Variants in ARHGAP15 observed in about 807,000 individuals in gnomAD.
ARHGAP15 encodes Rho GTPase activating protein 15.
A neutral mutation model predicts 63.7 loss-of-function variants in ARHGAP15; 51 were observed. The ratio of observed to expected loss-of-function variants is 0.80; its 90% CI spans 0.64 to 1.01. The LOEUF (loss-of-function observed/expected upper bound fraction) is 1.01. Among genes scored for constraint, ARHGAP15 ranks in the 50% least tolerant of loss-of-function variants. ARHGAP15 has a pLI of 0.00. For synonymous variants in ARHGAP15, 191 were observed against 193.8 expected, an observed-to-expected ratio of 0.99 and a Z score of 0.12; for missense variants, 560 against 564.6, an observed-to-expected ratio of 0.99 and a Z score of 0.08.
intron 10 of ARHGAP15, among the ~76,000 whole-genome samples, chr2:143,551,747 A>T (rs553872421): frequency 6.6e-6 from 1 of 152,328 alleles, no homozygotes; most frequent in South Asian, 2.1e-4. Context: ...GGTGTCTCAT[A>T]AGAAATTAAC....
intron 2 of ARHGAP15, among the ~76,000 whole-genome samples, chr2:143,165,307 A>G (rs1346506968): frequency 6.6e-6 from 1 of 152,072 alleles, no homozygotes; most frequent in Non-Finnish European, 1.5e-5. Flanking sequence ...TGAAGGAAGA[A>G]TAGTGATGAC....
chr2:143,390,696 G>T (rs747661204), intron 6 of ARHGAP15, among the ~76,000 whole-genome samples: 3 of 149,852 alleles, frequency 2.0e-5, no homozygotes, highest in Non-Finnish European at 3.0e-5. Flanking sequence ...TCCCCCCACC[G>T]TGGATATTTC....
chr2:143,699,667 G>T (rs1475265023), intron 12 of ARHGAP15, among the ~76,000 whole-genome samples: 1 of 152,058 alleles, frequency 6.6e-6, no homozygotes, highest in African/African-American at 2.4e-5. Context: ...TCACCAACTG[G>T]CACCAACTCA....
chr2:143,679,693 G>A (rs1683010891), intron 12 of ARHGAP15, among the ~76,000 whole-genome samples: 2 of 151,282 alleles, frequency 1.3e-5, no homozygotes, highest in African/African-American at 4.9e-5. Flanking sequence ...GTATGTGTGT[G>A]TGTGCAAGCT....
chr2:143,388,646 A>G (rs1286418071), intron 6 of ARHGAP15, among the ~76,000 whole-genome samples: 1 of 152,188 alleles, frequency 6.6e-6, no homozygotes, highest in African/African-American at 2.4e-5. Flanking sequence ...GTTTATACAT[A>G]CACAATGCCT....
At chr2:143,679,450 T>C (rs1214077489) in intron 12 of ARHGAP15, among the ~76,000 whole-genome samples, 1 of 152,216 alleles carries the variant, frequency 6.6e-6, no homozygotes, top group East Asian at 1.9e-4. Flanking sequence ...TTGATTTGTG[T>C]GTTTTATAAA....
chr2:143,467,626 C>G (rs151053261), intron 8 of ARHGAP15, among the ~76,000 whole-genome samples: 1 of 151,860 alleles, frequency 6.6e-6, no homozygotes, highest in Non-Finnish European at 1.5e-5. Flanking sequence ...AGAAATTTCC[C>G]GAAGAATATC....
intron 6 of ARHGAP15, among the ~76,000 whole-genome samples, chr2:143,365,208 A>G (rs1384165854): frequency 2.0e-5 from 3 of 152,142 alleles, no homozygotes; most frequent in Non-Finnish European, 4.4e-5. Flanking sequence ...CCTATCTCCT[A>G]TACTTTGTCT....
At chr2:143,485,784 A>G (rs1480765032) in intron 8 of ARHGAP15, among the ~76,000 whole-genome samples, 1 of 152,218 alleles carries the variant, frequency 6.6e-6, no homozygotes, top group Non-Finnish European at 1.5e-5. Context: ...TAATATGTCA[A>G]TAGTACAAAA....
At chr2:143,183,293 G>T (rs1303148846) in intron 2 of ARHGAP15, among the ~76,000 whole-genome samples, 4 of 152,160 alleles carry the variant, frequency 2.6e-5, no homozygotes, top group Non-Finnish European at 1.5e-5. Context: ...GTGTTGTCAG[G>T]TATTGTAATT....
chr2:143,183,563 A>G (rs942507089), intron 2 of ARHGAP15, among the ~76,000 whole-genome samples: 3 of 152,146 alleles, frequency 2.0e-5, no homozygotes, highest in African/African-American at 7.2e-5. Context: ...TAAAAAGGAT[A>G]AGATAAGAAA....
chr2:143,529,395 G>A (rs1487644272), intron 10 of ARHGAP15, among the ~76,000 whole-genome samples: 2 of 151,984 alleles, frequency 1.3e-5, no homozygotes, highest in African/African-American at 2.4e-5. Context: ...CTCCTAAGGA[G>A]GTCTTTGCCT....
intron 10 of ARHGAP15, among the ~76,000 whole-genome samples, chr2:143,537,697 A>G (rs1225036708): frequency 1.3e-5 from 2 of 152,072 alleles, no homozygotes; most frequent in African/African-American, 4.8e-5. Context: ...GTAGATATGC[A>G]GCATTATTTC....
At chr2:143,222,527 C>T (rs747273070) in intron 4 of ARHGAP15, among the ~76,000 whole-genome samples, 3 of 152,140 alleles carry the variant, frequency 2.0e-5, no homozygotes, top group Admixed American at 6.5e-5. Flanking sequence ...ATTCTTATAA[C>T]GGTAATGAAT....
intron 6 of ARHGAP15, among the ~76,000 whole-genome samples, chr2:143,302,407 ACTT>A (rs1006149668): frequency 1.1e-4 from 16 of 152,154 alleles, no homozygotes; most frequent in African/African-American, 3.6e-4. Flanking sequence ...TATAAATAAT[ACTT>A]CTTGCTCTGA....
chr2:143,725,384 A>G (rs1356562748), intron 13 of ARHGAP15, among the ~76,000 whole-genome samples: 1 of 152,354 alleles, frequency 6.6e-6, no homozygotes, highest in South Asian at 2.1e-4. Context: ...TGGCCTGTGG[A>G]GAAGACACCA....
At chr2:143,323,667 C>A (rs988589131) in intron 6 of ARHGAP15, among the ~76,000 whole-genome samples, 1 of 151,788 alleles carries the variant, frequency 6.6e-6, no homozygotes, top group African/African-American at 2.4e-5. Context: ...GAGGCTGAGG[C>A]GGGTGGATCA....
At chr2:143,731,243 G>A (rs1419579933) in intron 13 of ARHGAP15, among the ~76,000 whole-genome samples, 3 of 152,082 alleles carry the variant, frequency 2.0e-5, no homozygotes, top group African/African-American at 7.2e-5. Context: ...TACCTTGAAG[G>A]CATTTGAGCT....
At chr2:143,145,902 G>A (rs956616365) in intron 1 of ARHGAP15, among the ~76,000 whole-genome samples, 2 of 149,338 alleles carry the variant, frequency 1.3e-5, no homozygotes, top group South Asian at 4.2e-4. Flanking sequence ...TAATATATAT[G>A]TAACTTTATT....
Sources: allele counts gnomAD v4.1 joint callset (sites outside exome capture counted in the v4.1 genomes callset), GRCh38; gene constraint gnomAD v4.1.1; transcripts MANE v1.5; gene names NCBI Gene and HGNC (gene_info 2026-07-23, HGNC 2026-07-21).